GARIN6: variants seen among roughly 807,000 people sequenced by gnomAD.
The protein encoded by GARIN6 is Golgi-associated RAB2 interactor protein 6.
At chr12:99,648,634 C>A in the GARIN6 span, 1 of 1,614,222 alleles carries the variant, frequency 6.2e-7, no homozygotes, top group Non-Finnish European at 8.5e-7. Context: ...TCAGCTGTGT[C>A]CTCCATCGGA....
the GARIN6 span, chr12:99,649,180 C>T: frequency 3.4e-6 from 3 of 882,492 alleles, no homozygotes; most frequent in Non-Finnish European, 5.6e-6. Context: ...GGTGGCAACA[C>T]AACATGTTTG....
At chr12:99,649,167 A>G in the GARIN6 span, 1 of 793,420 alleles carries the variant, frequency 1.3e-6, no homozygotes. Context: ...ACTTATATAC[A>G]TTGGTGGCAA....
chr12:99,648,552 G>C, the GARIN6 span: 1 of 1,614,154 alleles, frequency 6.2e-7, no homozygotes, highest in Non-Finnish European at 8.5e-7. Context: ...TGATGTTTGT[G>C]AAAATAACCA....
chr12:99,648,421 C>A, the GARIN6 span: 1 of 1,614,072 alleles, frequency 6.2e-7, no homozygotes, highest in Non-Finnish European at 8.5e-7. Flanking sequence ...CCTCACACTA[C>A]CTGATGTCAT....
At chr12:99,649,489 G>A in the GARIN6 span, 1 of 989,014 alleles carries the variant, frequency 1.0e-6, no homozygotes. Flanking sequence ...GGGCAGGGTA[G>A]CAACAGCAGT....
the GARIN6 span, chr12:99,648,489 G>C: frequency 6.2e-7 from 1 of 1,614,154 alleles, no homozygotes. Flanking sequence ...CTGCCACCCA[G>C]AAAAGAGAAA....
the GARIN6 span, chr12:99,649,615 T>C: frequency 2.0e-6 from 1 of 509,706 alleles, no homozygotes; most frequent in Non-Finnish European, 3.5e-6. Context: ...CAGGAGGAAG[T>C]ATAGCCAGCA....
chr12:99,648,025 TTC>T, the GARIN6 span: 1 of 1,091,230 alleles, frequency 9.2e-7, no homozygotes, highest in Non-Finnish European at 1.3e-6. Flanking sequence ...ACCCTCCCTG[TTC>T]TCAGTCACTT....
At chr12:99,648,513 G>A in the GARIN6 span, 3 of 1,614,152 alleles carry the variant, frequency 1.9e-6, no homozygotes, top group Non-Finnish European at 2.5e-6. Context: ...CGCCTGCAGA[G>A]ATCTTAGAAC....
the GARIN6 span, chr12:99,648,618 T>G: frequency 6.2e-7 from 1 of 1,614,240 alleles, no homozygotes; most frequent in South Asian, 1.1e-5. Flanking sequence ...GCCGCTCTTT[T>G]TATCTTCAGC....
At chr12:99,649,318 G>C in the GARIN6 span, 1 of 1,614,116 alleles carries the variant, frequency 6.2e-7, no homozygotes. Context: ...TGAAGAGAAG[G>C]AGCAATTCAG....
At chr12:99,648,069 C>T in the GARIN6 span, 4 of 1,477,904 alleles carry the variant, frequency 2.7e-6, no homozygotes, top group Admixed American at 6.7e-5. Flanking sequence ...CAGAACACGA[C>T]TGCTGGCCCA....
chr12:99,648,462 C>T, the GARIN6 span: 1 of 1,614,168 alleles, frequency 6.2e-7, no homozygotes, highest in Non-Finnish European at 8.5e-7. Flanking sequence ...CTGTCTGTGA[C>T]AATGCCAGGT....
At chr12:99,648,304 C>G in the GARIN6 span, 1 of 1,614,170 alleles carries the variant, frequency 6.2e-7, no homozygotes, top group Non-Finnish European at 8.5e-7. Flanking sequence ...CAGGTATGCA[C>G]CCATGTTTGA....
the GARIN6 span, chr12:99,649,742 A>G: frequency 4.7e-6 from 1 of 211,656 alleles, no homozygotes. Flanking sequence ...CTCTCCCTAG[A>G]GAGCAGTATG....
At chr12:99,649,648 T>C in the GARIN6 span, 3 of 426,242 alleles carry the variant, frequency 7.0e-6, no homozygotes, top group Non-Finnish European at 1.3e-5. Flanking sequence ...GGTGCTTCCA[T>C]GTCTTAATCT....
the GARIN6 span, chr12:99,650,008 G>A: frequency 6.6e-6 from 1 of 152,592 alleles, no homozygotes. Flanking sequence ...GACTGTGGAG[G>A]GGAACAATGT....
At chr12:99,647,808 T>A in the GARIN6 span, 2 of 234,114 alleles carry the variant, frequency 8.5e-6, no homozygotes, top group Non-Finnish European at 1.7e-5. Flanking sequence ...GTTAAGGTTG[T>A]GGAATCAAAG....
chr12:99,648,704 T>G, the GARIN6 span: 5 of 1,613,976 alleles, frequency 3.1e-6, no homozygotes, highest in African/African-American at 1.3e-5. Context: ...AGACCACCAG[T>G]GGAGGCTTAC....
Sources: gnomAD v4.1 joint callset for allele counts on GRCh38, gnomAD v4.1.1 for gene constraint, MANE v1.5 for transcripts, NCBI Gene and HGNC (gene_info 2026-07-23, HGNC 2026-07-21) for gene names.